ANO2: variants seen among roughly 807,000 people sequenced by gnomAD.
ANO2 encodes the protein anoctamin 2.
In ANO2, 101 loss-of-function variants were observed where a neutral mutation model predicts 124.2. The ratio of observed to expected loss-of-function variants is 0.81; its 90% CI spans 0.69 to 0.96. ANO2 has a LOEUF of 0.96. Among genes scored for constraint, ANO2 ranks in the 40% least tolerant of loss-of-function variants. ANO2 has a pLI of 0.00. For synonymous variants in ANO2, 486 were observed against 482.5 expected (o/e 1.01, Z -0.09); for missense variants, 1,293 against 1,274.5 (o/e 1.01, Z -0.22).
At chr12:5,670,932 C>T (rs1276994373) in intron 14 of ANO2, among the ~76,000 whole-genome samples, 1 of 152,162 alleles carries the variant, frequency 6.6e-6, no homozygotes, top group African/African-American at 2.4e-5. Context: ...CTCAAAGCGA[C>T]AGAAGCCTGA....
chr12:5,923,094 GCACACA>G (rs34845978), intron 1 of ANO2, among the ~76,000 whole-genome samples: 2,185 of 26,852 alleles, frequency 0.081, 331 homozygotes, highest in East Asian at 0.12. Context: ...ACACACACAC[GCACACA>G]CATACACACA....
rs371607376 is a variant in ANO2 at position 5,696,510 on chromosome 12, G to A, written c.1545+36010C>T. On this transcript the variant is annotated intron_variant, in intron 14 of 24. Coordinates refer to ENST00000682330, the MANE Select transcript of ANO2 (RefSeq NM_001364791.2). ...AATCTGCTCACAAAACCCAGAAGTTGGCACACATTTTTTTTAAATGAGTTT... is the reference window on the plus strand; with the variant it reads ...AATCTGCTCACAAAACCCAGAAGTTAGCACACATTTTTTTTAAATGAGTTT... Among the ~76,000 whole-genome samples the A allele has an allele frequency of 2.6e-5, 4 of 152,062 alleles. No homozygotes were observed. The East Asian group carries it at 7.7e-4, about 29-fold the overall frequency.
chr12:5,579,700 G>A (rs1046954212), intron 20 of ANO2, among the ~76,000 whole-genome samples: 15 of 152,162 alleles, frequency 9.9e-5, no homozygotes, highest in Admixed American at 2.0e-4. Context: ...AGTCCCTACC[G>A]GTGCATACAG....
chr12:5,922,685 G>C lies in ANO2; in HGVS notation c.142C>G (p.Leu48Val). The change falls in exon 2 of 25, where the codon CTG (leucine) becomes GTG (valine). Residue 48 changes from leucine to valine, a missense_variant. Coordinates refer to ENST00000682330, the MANE Select transcript of ANO2 (RefSeq NM_001364791.2). ...GGATCTCTGTTGGAACCGCCCTGCAGACCTGGGGCCCGGGGACCTGGCATC... is the reference window on the plus strand; with the variant it reads ...GGATCTCTGTTGGAACCGCCCTGCACACCTGGGGCCCGGGGACCTGGCATC... ...LKMPGPRAPG[L>V]QGGSNRDPGQ... The C allele has an allele frequency of 6.3e-7, 1 of 1,578,942 alleles. No individual in the cohort carries two copies. The highest frequency in any genetic ancestry group is 8.6e-7 in the Non-Finnish European group (1 of 1,164,048).
chr12:5,862,144 A>G lies in ANO2; in HGVS notation c.535-8003T>C, dbSNP rs1470522655. Among the ~76,000 whole-genome samples the G allele has an allele frequency of 2.0e-5, 3 of 152,140 alleles. No individual in the cohort carries two copies. The highest frequency in any genetic ancestry group is 4.4e-5 in the Non-Finnish European group (3 of 68,026). On this transcript the variant is annotated intron_variant, in intron 3 of 24. Coordinates refer to ENST00000682330, the MANE Select transcript of ANO2 (RefSeq NM_001364791.2). This position sits in a 1 kb window ranked among gnomAD's most constrained non-coding sequence, Gnocchi z 4.0. ...AAGGGAAGAAGTTCCTGCCTAGGGA[A>G]GGAAAGGTGGAAATCTGCTCTGCTG...
chr12:5,604,159 T>C (rs1258628520), intron 19 of ANO2, among the ~76,000 whole-genome samples: 1 of 152,030 alleles, frequency 6.6e-6, no homozygotes, highest in Non-Finnish European at 1.5e-5. Flanking sequence ...TGGTGGATCG[T>C]ACACAGAAGG....
chr12:5,586,919 A>G (rs1394861122), intron 20 of ANO2, among the ~76,000 whole-genome samples: 1 of 152,238 alleles, frequency 6.6e-6, no homozygotes, highest in African/African-American at 2.4e-5. Context: ...GACCAGCTCT[A>G]TGGATGACAG....
Position 5,904,072 on chromosome 12 carries a change from C to T in ANO2, c.534+16968G>A, listed in dbSNP as rs1405623787. On this transcript the variant is annotated intron_variant, in intron 3 of 24. Transcript: ENST00000682330. This position sits in a 1 kb window ranked among gnomAD's most constrained non-coding sequence, Gnocchi z 4.1. ...AAACACTGACCTCCCCAAATGTGCCCACCACATGATCATCCCCTCTTTCTT... is the reference window on the plus strand; with the variant it reads ...AAACACTGACCTCCCCAAATGTGCCTACCACATGATCATCCCCTCTTTCTT... 6.6e-6 allele frequency among the ~76,000 whole-genome samples: 1 copy of T among 152,182 alleles called. No homozygotes were observed. Among genetic ancestry groups the T allele is most frequent in the Non-Finnish European group, 1.5e-5 (1 of 68,042 alleles).
chr12:5,638,225 C>G (rs1946123516), intron 15 of ANO2, among the ~76,000 whole-genome samples: 1 of 124,926 alleles, frequency 8.0e-6, no homozygotes, highest in South Asian at 3.0e-4. Flanking sequence ...TTCACTAGCA[C>G]TGTTTCTTTT....
At chr12:5,942,649 G>A (rs569992194) in intron 1 of ANO2, among the ~76,000 whole-genome samples, 1 of 152,306 alleles carries the variant, frequency 6.6e-6, no homozygotes, top group Admixed American at 6.5e-5. Context: ...CACAGCCCAA[G>A]CATCTCCTTG....
In ANO2 at chr12:5,635,628, C is replaced by CACACAA. The variant is rs3223418; in HGVS notation, c.1621-282_1621-281insTTGTGT. On this transcript the variant is annotated intron_variant, in intron 15 of 24. Transcript: ENST00000682330. This position sits in a 1 kb window ranked among gnomAD's most constrained non-coding sequence, Gnocchi z 5.2. ...ACACACACACACACACACACACACA[C>CACACAA]AATAAGGATGAACATGCTGGACCCT... is the stretch of plus-strand genomic sequence containing the variant. Among the ~76,000 whole-genome samples, 1 of 151,510 alleles carries CACACAA rather than the reference C, an allele frequency of 6.6e-6. No homozygotes were observed. The highest frequency in any genetic ancestry group is 1.9e-4 in the East Asian group (1 of 5,158).
chr12:5,703,292 A>G (rs768944485), intron 14 of ANO2, among the ~76,000 whole-genome samples: 1 of 152,234 alleles, frequency 6.6e-6, no homozygotes, highest in Non-Finnish European at 1.5e-5. Context: ...CTGCAAAAAT[A>G]TCATACAGTA....
Position 5,787,887 on chromosome 12 carries a change from G to A in ANO2, c.1055+11620C>T, listed in dbSNP as rs541751496. Among the ~76,000 whole-genome samples, 2 of 152,278 alleles carry A rather than the reference G, an allele frequency of 1.3e-5. No individual in the cohort carries two copies. Among genetic ancestry groups the A allele is most frequent in the Admixed American group, 1.3e-4 (2 of 15,296 alleles). Reference sequence around the variant, plus strand: ...CATAAGCTCTGTGAGGCCAGACCCAGCTGGACCATAGGTCCAGACGTGCCC... The same window carrying A: ...CATAAGCTCTGTGAGGCCAGACCCAACTGGACCATAGGTCCAGACGTGCCC... On this transcript the variant is annotated intron_variant, in intron 10 of 24. Coordinates refer to ENST00000682330, the MANE Select transcript of ANO2 (RefSeq NM_001364791.2). This position sits in a 1 kb window ranked among gnomAD's most constrained non-coding sequence, Gnocchi z 4.2.
chr12:5,606,781 T>G (rs1190366159), intron 19 of ANO2, among the ~76,000 whole-genome samples: 2 of 152,136 alleles, frequency 1.3e-5, no homozygotes, highest in African/African-American at 4.8e-5. Context: ...CACACACACA[T>G]GCATGTTTGT....
chr12:5,706,350 A>G (rs7977488), intron 14 of ANO2, among the ~76,000 whole-genome samples: 12,696 of 150,736 alleles, frequency 0.084, 663 homozygotes, highest in African/African-American at 0.13. Context: ...TCCCCTCCCC[A>G]CTCCCTTTTG....
Position 5,738,648 on chromosome 12 carries a change from T to C in ANO2, c.1434+669A>G, listed in dbSNP as rs1047770256. Among the ~76,000 whole-genome samples the C allele has an allele frequency of 4.6e-5, 7 of 152,036 alleles. No individual in the cohort carries two copies. The South Asian group carries it at 8.3e-4, about 18-fold the overall frequency. ...GCTTTTGGAGGAGCAGGAATTATGG[T>C]GGGAATAGATCATGGGAGCAAGCAC... On this transcript the variant is annotated intron_variant, in intron 13 of 24. Transcript: ENST00000682330.
chr12:5,936,669 T>C (rs745861016), intron 1 of ANO2, among the ~76,000 whole-genome samples: 5 of 152,248 alleles, frequency 3.3e-5, no homozygotes, highest in Non-Finnish European at 7.3e-5. Flanking sequence ...TGAGACAGAA[T>C]GCTTATGGTT....
chr12:5,799,441 T>C (rs1262322443), intron 10 of ANO2, 66 bp downstream of exon 10: 16 of 1,391,132 alleles, frequency 1.2e-5, no homozygotes, highest in Non-Finnish European at 1.2e-5. Flanking sequence ...AGTCAAAAGG[T>C]TTATGATACA....
At chr12:5,576,370 C>T (rs914155770) in intron 22 of ANO2, among the ~76,000 whole-genome samples, 1 of 152,158 alleles carries the variant, frequency 6.6e-6, no homozygotes, top group African/African-American at 2.4e-5. Flanking sequence ...AAAAAATTAC[C>T]TATAGTGATG....
Sources: allele counts gnomAD v4.1 joint callset (sites outside exome capture counted in the v4.1 genomes callset), GRCh38; gene constraint gnomAD v4.1.1; non-coding constraint Gnocchi (gnomAD v3.1); transcripts MANE v1.5; gene names NCBI Gene and HGNC (gene_info 2026-07-23, HGNC 2026-07-21).